The following STXBP5L variants were observed in gnomAD, a reference collection of about 807,000 sequenced individuals.
STXBP5L encodes syntaxin-binding protein 5-like.
A neutral mutation model predicts 144.5 loss-of-function variants in STXBP5L; 65 were observed. That is an observed-to-expected ratio of 0.45 (90% confidence interval 0.37 to 0.55). The LOEUF is 0.55. STXBP5L is among the 20% of genes least tolerant of loss of function. The pLI is 0.00. For missense variants in STXBP5L, 1,298 were observed against 1,405.5 expected (o/e 0.92, Z 1.22); for synonymous variants, 505 against 469.6 (o/e 1.08, Z -0.97).
At chr3:121,160,130 G>C (rs1424784244) in intron 9 of STXBP5L, among the ~76,000 whole-genome samples, 1 of 152,168 alleles carries the variant, frequency 6.6e-6, no homozygotes, top group Non-Finnish European at 1.5e-5. Flanking sequence ...GGTCAGGGTA[G>C]TTGATGGTGT....
intron 20 of STXBP5L, among the ~76,000 whole-genome samples, chr3:121,336,553 G>C (rs1015219429): frequency 1.3e-5 from 2 of 151,624 alleles, no homozygotes; most frequent in South Asian, 2.1e-4. Context: ...TCCACAAGGA[G>C]ATATTATCTC....
At chr3:121,041,081 C>G (rs1947117230) in intron 3 of STXBP5L, among the ~76,000 whole-genome samples, 1 of 149,240 alleles carries the variant, frequency 6.7e-6, no homozygotes, top group South Asian at 2.1e-4. Context: ...ACCTTCATTC[C>G]TCCTCCTTCC....
At chr3:121,230,423 A>G (rs748450188) in intron 11 of STXBP5L, among the ~76,000 whole-genome samples, 5 of 151,184 alleles carry the variant, frequency 3.3e-5, no homozygotes, top group Non-Finnish European at 5.9e-5. Flanking sequence ...GACAAATACA[A>G]CCAGACTTGT....
chr3:120,952,056 CA>C (rs1256137713), intron 2 of STXBP5L, among the ~76,000 whole-genome samples: 7 of 146,920 alleles, frequency 4.8e-5, no homozygotes, highest in Non-Finnish European at 6.0e-5. Flanking sequence ...ATCGCAAGAA[CA>C]AAAAACCAAA....
At chr3:121,387,132 G>C (rs1354816343) in intron 22 of STXBP5L, among the ~76,000 whole-genome samples, 1 of 152,152 alleles carries the variant, frequency 6.6e-6, no homozygotes, top group Non-Finnish European at 1.5e-5. Flanking sequence ...TTGTGGTTTT[G>C]ATTTGAATTT....
intron 22 of STXBP5L, 102 bp downstream of exon 22, chr3:121,381,634 A>C (rs1402207973): frequency 8.3e-6 from 12 of 1,445,742 alleles, no homozygotes; most frequent in Non-Finnish European, 1.1e-5. Context: ...AAAGGTTATA[A>C]GTATTCTGCA....
At chr3:121,255,347 C>G (rs893418052) in intron 16 of STXBP5L, among the ~76,000 whole-genome samples, 1 of 152,008 alleles carries the variant, frequency 6.6e-6, no homozygotes, top group Non-Finnish European at 1.5e-5. Flanking sequence ...AATGTCAAAA[C>G]AAGCTTAGTA....
intron 3 of STXBP5L, among the ~76,000 whole-genome samples, chr3:120,961,375 C>CA (rs915722776): frequency 2.0e-5 from 3 of 151,682 alleles, no homozygotes; most frequent in Non-Finnish European, 2.9e-5. Context: ...CTGCACCCAT[C>CA]AACTCATCAT....
At chr3:121,289,983 G>A (rs2051367955) in intron 19 of STXBP5L, among the ~76,000 whole-genome samples, 10 of 151,746 alleles carry the variant, frequency 6.6e-5, no homozygotes, top group Admixed American at 6.6e-4. Context: ...GACAATCTAA[G>A]GTCACACCTC....
intron 3 of STXBP5L, among the ~76,000 whole-genome samples, chr3:121,007,844 C>G (rs1397886476): frequency 6.6e-6 from 1 of 151,916 alleles, no homozygotes; most frequent in Non-Finnish European, 1.5e-5. Context: ...AGATACACAT[C>G]TTTTACTACA....
intron 18 of STXBP5L, among the ~76,000 whole-genome samples, chr3:121,265,950 G>A (rs2050550409): frequency 6.6e-6 from 1 of 152,024 alleles, no homozygotes; most frequent in African/African-American, 2.4e-5. Context: ...TCCCTGAACA[G>A]ACCAATAACA....
intron 3 of STXBP5L, among the ~76,000 whole-genome samples, chr3:120,972,620 T>C (rs1032587452): frequency 1.3e-5 from 2 of 152,092 alleles, no homozygotes; most frequent in African/African-American, 4.8e-5. Flanking sequence ...ATAGGAGTGC[T>C]GGAAGCTGGC....
chr3:121,393,937 G>A (rs2046659809), intron 22 of STXBP5L, among the ~76,000 whole-genome samples: 1 of 151,994 alleles, frequency 6.6e-6, no homozygotes, highest in Non-Finnish European at 1.5e-5. Flanking sequence ...ATGAATTTTA[G>A]AATTATTTTT....
intron 5 of STXBP5L, among the ~76,000 whole-genome samples, chr3:121,088,040 C>A (rs2042585475): frequency 6.6e-6 from 1 of 151,964 alleles, no homozygotes; most frequent in Non-Finnish European, 1.5e-5. Context: ...TCAGCTTTAA[C>A]CATCAAATAT....
At chr3:121,068,751 T>C (rs933394673) in intron 5 of STXBP5L, among the ~76,000 whole-genome samples, 3 of 152,170 alleles carry the variant, frequency 2.0e-5, no homozygotes, top group African/African-American at 7.2e-5. Flanking sequence ...TATCAGCATA[T>C]GTATTTATTC....
intron 5 of STXBP5L, 135 bp downstream of exon 5, chr3:121,045,670 A>T (rs991469954): frequency 1.3e-6 from 1 of 785,580 alleles, no homozygotes; most frequent in African/African-American, 1.7e-5. Flanking sequence ...GCTTACTTTC[A>T]TAGTGTTTTC....
At chr3:121,062,186 G>C (rs1192463364) in intron 5 of STXBP5L, among the ~76,000 whole-genome samples, 1 of 152,184 alleles carries the variant, frequency 6.6e-6, no homozygotes. Flanking sequence ...AGGCAGGCCT[G>C]GTGGTGACAA....
At chr3:120,926,351 C>A (rs921531235) in intron 2 of STXBP5L, among the ~76,000 whole-genome samples, 1 of 98,726 alleles carries the variant, frequency 1.0e-5, no homozygotes, top group Non-Finnish European at 1.9e-5. Flanking sequence ...TCTTGGATGG[C>A]AGTTCTTTTT....
intron 20 of STXBP5L, among the ~76,000 whole-genome samples, chr3:121,325,276 A>G (rs907627200): frequency 2.8e-4 from 42 of 152,100 alleles, no homozygotes; most frequent in African/African-American, 9.6e-4. Context: ...TCAGTAGCCA[A>G]GGAAGATAGA....
Sources: gnomAD v4.1 joint callset for allele counts (sites outside exome capture counted in the v4.1 genomes callset) on GRCh38, gnomAD v4.1.1 for gene constraint, MANE v1.5 for transcripts, NCBI Gene and HGNC (gene_info 2026-07-23, HGNC 2026-07-21) for gene names.